The following EPHA2 variants were observed in gnomAD, a reference collection of about 807,000 sequenced individuals.
EPHA2 encodes ephrin type-A receptor 2.
Under a neutral mutation model 104.9 loss-of-function variants are expected in EPHA2, and 54 were observed. The observed-to-expected ratio is 0.51, with a 90% confidence interval of 0.41 to 0.65. EPHA2 has a LOEUF of 0.65. Ranked by LOEUF, EPHA2 falls within the 30% of genes least tolerant of loss-of-function variation. EPHA2 has a pLI of 0.00. For synonymous variants in EPHA2, 560 were observed against 559.1 expected (o/e 1.00, Z -0.02); for missense variants, 1,117 against 1,369.5 (o/e 0.82, Z 2.91).
At chr1:16,129,701 T>C in intron 15 of EPHA2, 112 bp from the exon 16 acceptor site, 1 of 1,390,162 alleles carries the variant, frequency 7.2e-7, no homozygotes, top group Non-Finnish European at 9.6e-7. Context: ...TGCCTCCGTC[T>C]CCTTATCTGG....
chr1:16,139,784 A>C (rs888580435), intron 3 of EPHA2, among the ~76,000 whole-genome samples: 1 of 152,150 alleles, frequency 6.6e-6, no homozygotes, highest in Non-Finnish European at 1.5e-5. Context: ...GCAATAAAAC[A>C]GTTGAGAAAG....
At position 16,135,198 on chromosome 1, in the gene EPHA2, G is replaced by A; in HGVS notation, c.1429-9C>T. 1 of 1,613,452 alleles carries A rather than the reference G, an allele frequency of 6.2e-7. No homozygotes were observed. The highest frequency in any genetic ancestry group is 8.5e-7 in the Non-Finnish European group (1 of 1,179,888). On this transcript the variant is annotated splice_polypyrimidine_tract_variant and intron_variant, in intron 6 of 16. Coordinates refer to ENST00000358432, the MANE Select transcript of EPHA2 (RefSeq NM_004431.5). The surrounding 1 kb of genome is among the most constrained non-coding windows in gnomAD (Gnocchi z 4.3). Reference sequence around the variant, plus strand: ...TAGCTGTTGGAGTCTCCCTGTGGGTGGGTGGCCGGCGGAGGAGCAGGCAGT... The same window carrying A: ...TAGCTGTTGGAGTCTCCCTGTGGGTAGGTGGCCGGCGGAGGAGCAGGCAGT...
Position 16,135,248 on chromosome 1 carries a change from C to G in EPHA2, c.1429-59G>C, listed in dbSNP as rs192145446. ...TGAGGGCAGGGCAGGGGCCTCGGCT[C>G]AGCCCGCTGGAGACCACCCCAAGCT... is the stretch of plus-strand genomic sequence containing the variant. On this transcript the variant is annotated intron_variant, in intron 6 of 16. Coordinates refer to ENST00000358432, the MANE Select transcript of EPHA2 (RefSeq NM_004431.5). The surrounding 1 kb of genome is among the most constrained non-coding windows in gnomAD (Gnocchi z 4.3). 76 of 1,608,944 alleles carry G rather than the reference C, an allele frequency of 4.7e-5. No individual in the cohort carries two copies. The highest frequency in any genetic ancestry group is 6.4e-5 in the Non-Finnish European group (75 of 1,178,332).
In EPHA2 at chr1:16,134,414, G is replaced by A. The variant is rs1426549896; in HGVS notation, c.1682+54C>T. The A allele has an allele frequency of 8.3e-6, 13 of 1,558,156 alleles. No individual in the cohort carries two copies. The highest frequency in any genetic ancestry group is 1.1e-5 in the Non-Finnish European group (12 of 1,131,068). On this transcript the variant is annotated intron_variant, in intron 8 of 16. Transcript: ENST00000358432. This position sits in a 1 kb window ranked among gnomAD's most constrained non-coding sequence, Gnocchi z 4.5. ...TTCAGATGAGGAAATGGAGGTTCCT[G>A]CCCCATTTTCCCACCCAAGCCCATG...
At chr1:16,139,488 C>T (rs1482215736) in intron 3 of EPHA2, among the ~76,000 whole-genome samples, 1 of 152,186 alleles carries the variant, frequency 6.6e-6, no homozygotes, top group Non-Finnish European at 1.5e-5. Context: ...TGGGTATGCA[C>T]CAAGATGAAA....
rs540148598 is a variant in EPHA2 at position 16,133,609 on chromosome 1, G to T, written c.1739-3C>A. 1 of 1,613,920 alleles carries T rather than the reference G, an allele frequency of 6.2e-7. No individual in the cohort carries two copies. Among genetic ancestry groups the T allele is most frequent in the South Asian group, 1.1e-5 (1 of 91,076 alleles). ...TGTCTTCAGGGGCTTCAGTTGTTCTGGAAGGAGAAGGGGTGGGGTCACAGG... is the reference window on the plus strand; with the variant it reads ...TGTCTTCAGGGGCTTCAGTTGTTCTTGAAGGAGAAGGGGTGGGGTCACAGG... On this transcript the variant is annotated splice_polypyrimidine_tract_variant and splice_region_variant and intron_variant, in intron 9 of 16. Transcript: ENST00000358432.
At position 16,135,456 on chromosome 1, in the gene EPHA2, A is replaced by G. The variant is rs1011051015; in HGVS notation, c.1428+199T>C. ...CTCACCCTGACTGCCTCTTCCAAGG[A>G]CGCCATGTCTTCTCTCGTACAAATC... On this transcript the variant is annotated intron_variant, in intron 6 of 16. Coordinates refer to ENST00000358432, the MANE Select transcript of EPHA2 (RefSeq NM_004431.5). The surrounding 1 kb of genome is among the most constrained non-coding windows in gnomAD (Gnocchi z 4.3). The G allele has an allele frequency of 7.6e-5, 54 of 711,680 alleles. No individual in the cohort carries two copies. Among genetic ancestry groups the G allele is most frequent in the Non-Finnish European group, 1.2e-4 (48 of 407,256 alleles). 44.1% of individuals were successfully genotyped at this position (711,680 alleles called of 1,614,324 possible). A position where few individuals can be genotyped will look rare whatever the true frequency, so the allele number is the denominator to read the frequency against.
At chr1:16,147,875 CT>C (rs111955796) in intron 3 of EPHA2, among the ~76,000 whole-genome samples, 226 of 143,596 alleles carry the variant, frequency 1.6e-3, no homozygotes, top group Middle Eastern at 3.6e-3. Context: ...TTCATTCATT[CT>C]TTTTTTTTTT....
chr1:16,143,134 C>T (rs111583582), intron 3 of EPHA2, among the ~76,000 whole-genome samples: 88 of 115,570 alleles, frequency 7.6e-4, no homozygotes, highest in African/African-American at 2.9e-3. Context: ...GGTGGGTTGG[C>T]GGGTAGACGA....
At chr1:16,154,190 C>T (rs1251490166) in intron 1 of EPHA2, among the ~76,000 whole-genome samples, 1 of 152,160 alleles carries the variant, frequency 6.6e-6, no homozygotes, top group African/African-American at 2.4e-5. Context: ...GTGATTCCAG[C>T]TGTCTCTCCC....
chr1:16,134,398 G>A lies in EPHA2; in HGVS notation c.1682+70C>T. On this transcript the variant is annotated intron_variant, in intron 8 of 16. Coordinates refer to ENST00000358432, the MANE Select transcript of EPHA2 (RefSeq NM_004431.5). This position sits in a 1 kb window ranked among gnomAD's most constrained non-coding sequence, Gnocchi z 4.5. ...CCTGTGGGCCCCATCGTTCAGATGAGGAAATGGAGGTTCCTGCCCCATTTT... is the reference window on the plus strand; with the variant it reads ...CCTGTGGGCCCCATCGTTCAGATGAAGAAATGGAGGTTCCTGCCCCATTTT... 2 of 1,499,860 alleles carry A rather than the reference G, an allele frequency of 1.3e-6. No homozygotes were observed. Among genetic ancestry groups the A allele is most frequent in the East Asian group, 2.3e-5 (1 of 43,460 alleles). The allele number at this position is 1,499,860 out of a possible 1,614,324, so 92.9% of individuals were successfully genotyped here.
chr1:16,137,277 A>G (rs1024576413), intron 5 of EPHA2, among the ~76,000 whole-genome samples: 5 of 148,616 alleles, frequency 3.4e-5, no homozygotes, highest in African/African-American at 1.3e-4. Flanking sequence ...ATACAGCAAC[A>G]CTAACAACAG....
intron 3 of EPHA2, chr1:16,146,355 G>C (rs2024933356): frequency 6.6e-6 from 1 of 152,160 alleles, no homozygotes; most frequent in Admixed American, 6.6e-5. Flanking sequence ...AGGAGGGAAG[G>C]CTGCCCCGCT....
chr1:16,148,840 G>A lies in EPHA2; in HGVS notation c.361C>T (p.Leu121Phe). The A allele has an allele frequency of 6.2e-7, 1 of 1,614,156 alleles. No individual in the cohort carries two copies. Among genetic ancestry groups the A allele is most frequent in the Non-Finnish European group, 8.5e-7 (1 of 1,180,036 alleles). The part of the protein sequence containing the change: ...GASSCKETFN[L>F]YYAESDLDYG... ...TCCAGGTCCGACTCGGCATAGTAGA[G>A]GTTGAAAGTCTCCTTGCAGGAGCTG... Residue 121 changes from leucine (L) to phenylalanine (F), a missense_variant, in exon 3 of 17, where the codon CTC becomes TTC. By Grantham distance (22) the Leu-to-Phe change is conservative. This residue lies in a region of EPHA2 where 664 missense variants were observed against 784.8 expected (regional missense o/e 0.85). Coordinates refer to ENST00000358432, the MANE Select transcript of EPHA2 (RefSeq NM_004431.5). The surrounding 1 kb of genome is among the most constrained non-coding windows in gnomAD (Gnocchi z 4.9).
At chr1:16,142,702 AGTGG>A (rs2024846899) in intron 3 of EPHA2, among the ~76,000 whole-genome samples, 1 of 77,244 alleles carries the variant, frequency 1.3e-5, no homozygotes, top group Non-Finnish European at 2.6e-5. Flanking sequence ...GGGTGGGTGG[AGTGG>A]TGGTTGGATG....
intron 3 of EPHA2, among the ~76,000 whole-genome samples, chr1:16,139,148 G>A (rs868047998): frequency 3.9e-5 from 6 of 152,094 alleles, no homozygotes; most frequent in African/African-American, 1.2e-4. Flanking sequence ...GGCCCAGCAG[G>A]CTGGGGGCTC....
At chr1:16,153,596 G>A (rs2025088446) in intron 1 of EPHA2, among the ~76,000 whole-genome samples, 1 of 152,174 alleles carries the variant, frequency 6.6e-6, no homozygotes, top group Admixed American at 6.5e-5. Flanking sequence ...GCCAAGAAGC[G>A]GGATGCTCAG....
chr1:16,125,010 C>A lies in EPHA2; in HGVS notation c.*205G>T. 3.3e-6 allele frequency: 2 copies of A among 610,936 alleles called. No homozygotes were observed. Among genetic ancestry groups the A allele is most frequent in the Non-Finnish European group, 6.0e-6 (2 of 335,866 alleles). The allele number at this position is 610,936 out of a possible 1,614,324, so 37.8% of individuals were successfully genotyped here. On this transcript the variant is annotated 3_prime_UTR_variant, in exon 17 of 17. Transcript: ENST00000358432. This position sits in a 1 kb window ranked among gnomAD's most constrained non-coding sequence, Gnocchi z 4.9. Reference sequence around the variant, plus strand: ...TAAGTGCTCAGCTGTGTGCGTCTCGCAGGGAAAGAGGGCCCAGCCCAGCAT... The same window carrying A: ...TAAGTGCTCAGCTGTGTGCGTCTCGAAGGGAAAGAGGGCCCAGCCCAGCAT...
rs1557505980 is a variant in EPHA2 at position 16,135,396 on chromosome 1, C to T, written c.1429-207G>A. Among the ~76,000 whole-genome samples the T allele has an allele frequency of 6.6e-6, 1 of 152,220 alleles. No individual in the cohort carries two copies. ...CTAAATGCATGAGCCAGGACTCAAA[C>T]TGAGTGTGTGGGGTCCCAAAATTCT... On this transcript the variant is annotated intron_variant, in intron 6 of 16. Coordinates refer to ENST00000358432, the MANE Select transcript of EPHA2 (RefSeq NM_004431.5). This position sits in a 1 kb window ranked among gnomAD's most constrained non-coding sequence, Gnocchi z 4.3.
Sources: allele counts gnomAD v4.1 joint callset (sites outside exome capture counted in the v4.1 genomes callset), GRCh38; gene constraint gnomAD v4.1.1; regional missense constraint gnomAD v4.1.1; non-coding constraint Gnocchi (gnomAD v3.1); transcripts MANE v1.5; gene names NCBI Gene and HGNC (gene_info 2026-07-23, HGNC 2026-07-21).